Variants in WWOX observed in about 807,000 individuals in gnomAD.
The protein encoded by WWOX is WW domain containing oxidoreductase.
Under a neutral mutation model 46.2 loss-of-function variants are expected in WWOX, and 69 were observed. That is an observed-to-expected ratio of 1.49 (90% CI 1.23 to 1.82). The LOEUF is 1.82. WWOX is among the 40% of genes most tolerant of loss of function. The probability of loss-of-function intolerance (pLI) is 0.00; values close to 1 mark genes in which losing one functional copy is unlikely to be tolerated. For synonymous variants in WWOX, 359 were observed against 202.6 expected (o/e 1.77, Z -6.56); for missense variants, 919 against 542.6 (o/e 1.69, Z -6.89).
intron 5 of WWOX, chr16:78,270,113 A>T (rs2079446582): frequency 6.6e-6 from 1 of 152,042 alleles, no homozygotes; most frequent in Non-Finnish European, 1.5e-5. Context: ...TACGGCACTG[A>T]AAAAAATACA....
chr16:79,122,873 T>C (rs1459569475), intron 8 of WWOX, among the ~76,000 whole-genome samples: 3 of 152,190 alleles, frequency 2.0e-5, no homozygotes, highest in Non-Finnish European at 4.4e-5. Flanking sequence ...CTGAGGGCTG[T>C]TGTACTGAGG....
intron 8 of WWOX, among the ~76,000 whole-genome samples, chr16:78,711,096 C>G (rs1307140161): frequency 3.3e-5 from 5 of 152,178 alleles, no homozygotes; most frequent in Admixed American, 6.5e-5. Flanking sequence ...GAGATTACTT[C>G]CAACACGTTT....
intron 8 of WWOX, among the ~76,000 whole-genome samples, chr16:78,610,841 A>T (rs2151630035): frequency 6.6e-6 from 1 of 152,214 alleles, no homozygotes; most frequent in South Asian, 2.1e-4. Flanking sequence ...AATAGTTTGT[A>T]TTTACAAATG....
intron 8 of WWOX, among the ~76,000 whole-genome samples, chr16:78,570,810 G>C (rs755380973): frequency 1.3e-5 from 2 of 152,148 alleles, no homozygotes; most frequent in Non-Finnish European, 1.5e-5. Context: ...ACATGGCACT[G>C]GGCTGGAAAT....
At chr16:79,034,071 G>A (rs1366582136) in intron 8 of WWOX, among the ~76,000 whole-genome samples, 1 of 152,224 alleles carries the variant, frequency 6.6e-6, no homozygotes, top group Non-Finnish European at 1.5e-5. Flanking sequence ...CACGTGGTCT[G>A]TGTGGGCTGG....
chr16:78,785,138 C>T (rs952780875), intron 8 of WWOX, among the ~76,000 whole-genome samples: 10 of 152,156 alleles, frequency 6.6e-5, no homozygotes, highest in African/African-American at 2.2e-4. Context: ...GTATGTAAAA[C>T]TAAAAACAAT....
At chr16:78,245,247 C>G (rs536410820) in intron 5 of WWOX, among the ~76,000 whole-genome samples, 12 of 152,268 alleles carry the variant, frequency 7.9e-5, no homozygotes, top group African/African-American at 2.9e-4. Flanking sequence ...GTTAGTAAAC[C>G]AATGAGAGGA....
At chr16:78,490,849 A>G (rs971103716) in intron 8 of WWOX, among the ~76,000 whole-genome samples, 8 of 152,150 alleles carry the variant, frequency 5.3e-5, no homozygotes, top group African/African-American at 1.4e-4. Flanking sequence ...CGAGAAGCTC[A>G]CCCATCACCA....
At chr16:78,899,867 C>A (rs910260355) in intron 8 of WWOX, among the ~76,000 whole-genome samples, 2 of 152,270 alleles carry the variant, frequency 1.3e-5, no homozygotes, top group East Asian at 1.9e-4. Context: ...CAGGTATTAA[C>A]ATAAATACAG....
chr16:78,107,733 G>T (rs1437231671), intron 1 of WWOX, among the ~76,000 whole-genome samples: 1 of 152,166 alleles, frequency 6.6e-6, no homozygotes, highest in Non-Finnish European at 1.5e-5. Flanking sequence ...CACTCAAGAG[G>T]CTGAAATAGG....
At chr16:78,194,848 C>A (rs1262470737) in intron 5 of WWOX, among the ~76,000 whole-genome samples, 3 of 152,162 alleles carry the variant, frequency 2.0e-5, no homozygotes, top group African/African-American at 7.2e-5. Flanking sequence ...GCACTTAGAA[C>A]CCACTAACGC....
chr16:79,154,863 A>C (rs1299835859), intron 8 of WWOX, among the ~76,000 whole-genome samples: 1 of 152,214 alleles, frequency 6.6e-6, no homozygotes, highest in Middle Eastern at 3.2e-3. Context: ...TCCAAGGTTT[A>C]GGCTCTCAGT....
chr16:78,952,072 C>A (rs990923656), intron 8 of WWOX, among the ~76,000 whole-genome samples: 1 of 152,102 alleles, frequency 6.6e-6, no homozygotes, highest in Non-Finnish European at 1.5e-5. Flanking sequence ...TCATAACCTA[C>A]AATCCCTCGA....
rs1234467827 is a variant in WWOX at position 78,264,984 on chromosome 16, C to CCTTT, written c.516+100712_516+100715dup. 212 of 126,772 alleles carry CCTTT rather than the reference C, an allele frequency of 1.7e-3. 2 individuals are homozygous for CCTTT. Among genetic ancestry groups the CCTTT allele is most frequent in the East Asian group, 7.3e-3 (28 of 3,824 alleles). The allele number at this position is 126,772 out of a possible 1,614,324, so 7.9% of individuals were successfully genotyped here. ...CCCTCCCCTCCCCTCCCTTCCCTTC[C>CCTTT]CTTTCTTTCTTTCTTTCTTTTTTTT... On this transcript the variant is annotated intron_variant, in intron 5 of 8. Coordinates refer to ENST00000566780, the MANE Select transcript of WWOX (RefSeq NM_016373.4).
chr16:78,231,176 A>C (rs1263569810), intron 5 of WWOX, among the ~76,000 whole-genome samples: 1 of 152,114 alleles, frequency 6.6e-6, no homozygotes, highest in South Asian at 2.1e-4. Flanking sequence ...GGGGTGGAGG[A>C]GAGGGATTTG....
intron 5 of WWOX, among the ~76,000 whole-genome samples, chr16:78,235,331 C>T (rs371541529): frequency 1.3e-5 from 2 of 152,042 alleles, no homozygotes; most frequent in African/African-American, 4.8e-5. Flanking sequence ...AATCTTGGTC[C>T]TTGCTGTTGT....
At chr16:78,123,017 T>C (rs1462809098) in intron 4 of WWOX, among the ~76,000 whole-genome samples, 1 of 152,206 alleles carries the variant, frequency 6.6e-6, no homozygotes, top group Non-Finnish European at 1.5e-5. Context: ...AGAGGCAGCA[T>C]TGCAATATAG....
intron 8 of WWOX, among the ~76,000 whole-genome samples, chr16:78,632,194 G>T (rs1404191785): frequency 6.6e-6 from 1 of 152,118 alleles, no homozygotes; most frequent in Admixed American, 6.6e-5. Flanking sequence ...GTTGCAGAAT[G>T]CCCCTGTCTT....
chr16:78,792,709 G>C (rs958006446), intron 8 of WWOX, among the ~76,000 whole-genome samples: 4 of 152,156 alleles, frequency 2.6e-5, no homozygotes, highest in Non-Finnish European at 4.4e-5. Context: ...AGTCTATAGA[G>C]GCATCTCACC....
Sources: gnomAD v4.1 joint callset for allele counts (sites outside exome capture counted in the v4.1 genomes callset) on GRCh38, gnomAD v4.1.1 for gene constraint, MANE v1.5 for transcripts, NCBI Gene and HGNC (gene_info 2026-07-23, HGNC 2026-07-21) for gene names.